Variants in KIF16B observed in about 807,000 individuals in gnomAD.
KIF16B encodes the protein kinesin family member 16B.
A neutral mutation model predicts 156.3 loss-of-function variants in KIF16B; 98 were observed. The ratio of observed to expected loss-of-function variants is 0.63; its 90% CI spans 0.53 to 0.74. KIF16B has a LOEUF of 0.74. Ranked by LOEUF, KIF16B falls within the 30% of genes least tolerant of loss-of-function variation. The pLI, the probability that KIF16B is intolerant of heterozygous loss-of-function variation, is 0.00. For synonymous variants in KIF16B, 564 were observed against 583.7 expected (o/e 0.97, Z 0.49); for missense variants, 1,421 against 1,606.5 (o/e 0.88, Z 1.97).
intron 10 of KIF16B, among the ~76,000 whole-genome samples, chr20:16,503,211 AAAAAG>A (rs869058762): frequency 6.6e-6 from 1 of 152,222 alleles, no homozygotes; most frequent in Non-Finnish European, 1.5e-5. Context: ...ACTCTATCTC[AAAAAG>A]AAAAGAAAAG....
At chr20:16,342,867 C>G (rs1431966811) in intron 23 of KIF16B, among the ~76,000 whole-genome samples, 2 of 152,126 alleles carry the variant, frequency 1.3e-5, no homozygotes, top group South Asian at 4.1e-4. Context: ...ACAGAAAAAG[C>G]GTTAAATCCT....
rs1409757772 is a variant in KIF16B, at chr20:16,398,307, T to C, written c.1784+6506A>G. Among the ~76,000 whole-genome samples, 4 of 152,154 alleles carry C rather than the reference T, an allele frequency of 2.6e-5. No homozygotes were observed. The East Asian group carries it at 7.8e-4, about 29-fold the overall frequency. The stretch of plus-strand genomic sequence containing the variant: ...GAGTGGAGAGTGACTGAAAATAACA[T>C]TGGAGAACAAAGTCAGAGATGATCA... On this transcript the variant is annotated intron_variant, in intron 17 of 25. Transcript: ENST00000354981.
chr20:16,367,420 A>T (rs1475280544), intron 22 of KIF16B: 1 of 1,612,924 alleles, frequency 6.2e-7, no homozygotes, highest in South Asian at 1.1e-5. Flanking sequence ...ATGGCATTTG[A>T]TCACATCAAA....
chr20:16,548,578 G>C (rs918694754), intron 1 of KIF16B, among the ~76,000 whole-genome samples: 2 of 152,192 alleles, frequency 1.3e-5, no homozygotes, highest in African/African-American at 4.8e-5. Context: ...GATCTAGGTT[G>C]CAACCTCCTT....
At chr20:16,389,959 C>T (rs2065324469) in intron 17 of KIF16B, among the ~76,000 whole-genome samples, 1 of 152,118 alleles carries the variant, frequency 6.6e-6, no homozygotes, top group Non-Finnish European at 1.5e-5. Context: ...TCCCACTCAC[C>T]CTTTTTTCAA....
intron 25 of KIF16B, among the ~76,000 whole-genome samples, chr20:16,299,973 C>T (rs545710211): frequency 6.6e-4 from 101 of 152,202 alleles, no homozygotes; most frequent in Admixed American, 1.2e-3. Context: ...AACCAAACAC[C>T]GGTGTGAAAA....
intron 24 of KIF16B, among the ~76,000 whole-genome samples, chr20:16,326,473 A>T (rs1197038043): frequency 6.6e-6 from 1 of 151,782 alleles, no homozygotes; most frequent in Non-Finnish European, 1.5e-5. Context: ...GAAAAAGAAA[A>T]AAAAACCCAA....
At chr20:16,434,328 G>A (rs567048904) in intron 12 of KIF16B, among the ~76,000 whole-genome samples, 1 of 152,246 alleles carries the variant, frequency 6.6e-6, no homozygotes, top group East Asian at 1.9e-4. Flanking sequence ...AGGAGGACTC[G>A]GCTCAATGCG....
chr20:16,278,096 T>C (rs1466630304), intron 25 of KIF16B, among the ~76,000 whole-genome samples: 2 of 149,066 alleles, frequency 1.3e-5, no homozygotes, highest in African/African-American at 2.5e-5. Context: ...AAACCAGAAA[T>C]AAGATGGGAT....
Position 16,406,304 on chromosome 20 carries a change from A to G in KIF16B, c.1695+70T>C, listed in dbSNP as rs192038519. On this transcript the variant is annotated intron_variant, in intron 16 of 25. Transcript: ENST00000354981. Reference sequence around the variant, plus strand: ...CCCAGAAAGTCAAAAGATTGGAACCAGAGTGACCACCACCCACTCATCCTC... The same window carrying G: ...CCCAGAAAGTCAAAAGATTGGAACCGGAGTGACCACCACCCACTCATCCTC... 1.9e-3 allele frequency: 2,443 copies of G among 1,309,928 alleles called. 16 individuals are homozygous for G. The highest frequency in any genetic ancestry group is 1.3e-3 in the Non-Finnish European group (1,208 of 903,650). 81.1% of individuals were successfully genotyped at this position (1,309,928 alleles called of 1,614,324 possible).
chr20:16,531,426 A>G (rs2147172404), intron 1 of KIF16B, among the ~76,000 whole-genome samples: 1 of 152,310 alleles, frequency 6.6e-6, no homozygotes, highest in Non-Finnish European at 1.5e-5. Context: ...TGGTGAATTA[A>G]TGGCTCTAGG....
At chr20:16,480,070 G>T (rs6044003) in intron 12 of KIF16B, among the ~76,000 whole-genome samples, 28,494 of 152,134 alleles carry the variant, frequency 0.19, 4,738 homozygotes, top group African/African-American at 0.45. Flanking sequence ...GGTTGCTGGA[G>T]GTATGGGTGT....
At chr20:16,563,992 C>T (rs2071161537) in intron 1 of KIF16B, among the ~76,000 whole-genome samples, 1 of 152,180 alleles carries the variant, frequency 6.6e-6, no homozygotes, top group African/African-American at 2.4e-5. Context: ...CAGCCCCTTC[C>T]CTCCCTTGCT....
chr20:16,436,558 C>G (rs527436757), intron 12 of KIF16B, among the ~76,000 whole-genome samples: 14 of 152,298 alleles, frequency 9.2e-5, no homozygotes, highest in African/African-American at 3.4e-4. Flanking sequence ...TTCTGTTCCT[C>G]CAATTTGAAG....
chr20:16,486,628 GCACTGACTTCTCAAATTAC>G (rs1172938270), intron 12 of KIF16B, among the ~76,000 whole-genome samples: 2 of 152,174 alleles, frequency 1.3e-5, no homozygotes, highest in South Asian at 2.1e-4. Context: ...AGGGGAAAGA[GCACTGACTTCTCAAATTAC>G]CACTGCAGCC....
At chr20:16,306,777 T>G (rs1017098200) in intron 25 of KIF16B, among the ~76,000 whole-genome samples, 62 of 152,158 alleles carry the variant, frequency 4.1e-4, no homozygotes, top group African/African-American at 1.4e-3. Flanking sequence ...ACCACAATCA[T>G]CTCTATCATC....
chr20:16,398,178 A>G (rs1044984146), intron 17 of KIF16B, among the ~76,000 whole-genome samples: 1 of 152,228 alleles, frequency 6.6e-6, no homozygotes, highest in Non-Finnish European at 1.5e-5. Flanking sequence ...AAAGAGGAAG[A>G]GGACTGGCCA....
chr20:16,568,564 A>C (rs2071343629), intron 1 of KIF16B, among the ~76,000 whole-genome samples: 1 of 152,142 alleles, frequency 6.6e-6, no homozygotes. Context: ...CTGTAATCCC[A>C]GCATTCTGGG....
At chr20:16,509,320 C>T (rs1297490725) in intron 6 of KIF16B, among the ~76,000 whole-genome samples, 1 of 152,080 alleles carries the variant, frequency 6.6e-6, no homozygotes, top group Non-Finnish European at 1.5e-5. Context: ...TTTTCAAATG[C>T]CTGTGAATGT....
Sources: gnomAD v4.1 joint callset for allele counts (sites outside exome capture counted in the v4.1 genomes callset) on GRCh38, gnomAD v4.1.1 for gene constraint, MANE v1.5 for transcripts, NCBI Gene and HGNC (gene_info 2026-07-23, HGNC 2026-07-21) for gene names.